Variants in LARGE1 observed in about 807,000 individuals in gnomAD.
The protein encoded by LARGE1 is LARGE xylosyl- and glucuronyltransferase 1, also known as xylosyl- and glucuronyltransferase LARGE1.
In LARGE1, 43 loss-of-function variants were observed where a neutral mutation model predicts 87.6. That is an observed-to-expected ratio of 0.49 (90% CI 0.38 to 0.63). LARGE1 has a LOEUF of 0.63. LARGE1 is among the 30% of genes least tolerant of loss of function. The pLI is 0.00. For synonymous variants in LARGE1, 434 were observed against 394.6 expected (o/e 1.10, Z -1.18); for missense variants, 802 against 1,000.2 (o/e 0.80, Z 2.67).
Position 33,351,402 on chromosome 22 carries a change from G to C in LARGE1, c.1132-13601C>G, listed in dbSNP as rs115479740. Among the ~76,000 whole-genome samples, 590 of 152,272 alleles carry C rather than the reference G, an allele frequency of 3.9e-3. 4 individuals are homozygous for C. The highest frequency in any genetic ancestry group is 0.013 in the African/African-American group (557 of 41,548). ...TTAAATGAATCTGGCAAAGTCTTCT[G>C]TCAACCAACCATACTATTACTTATT... On this transcript the variant is annotated intron_variant, in intron 9 of 14. Coordinates refer to ENST00000397394, the MANE Select transcript of LARGE1 (RefSeq NM_133642.5).
chr22:33,916,673 C>A (rs1356597583), intron 1 of LARGE1, among the ~76,000 whole-genome samples: 1 of 152,144 alleles, frequency 6.6e-6, no homozygotes, highest in Non-Finnish European at 1.5e-5. Flanking sequence ...ACCCCCAATG[C>A]AGTATGCTCC....
downstream of LARGE1, among the ~76,000 whole-genome samples, chr22:33,160,807 T>G (rs1257049902): frequency 1.3e-5 from 2 of 152,170 alleles, no homozygotes; most frequent in African/African-American, 4.8e-5. Flanking sequence ...TGACAAGGAG[T>G]GTAGCATTTA....
At chr22:33,873,873 C>G (rs1216415933) in intron 1 of LARGE1, among the ~76,000 whole-genome samples, 1 of 151,882 alleles carries the variant, frequency 6.6e-6, no homozygotes, top group Non-Finnish European at 1.5e-5. Context: ...TTTCACCTTC[C>G]TCCACCTCTT....
intron 1 of LARGE1, among the ~76,000 whole-genome samples, chr22:33,794,676 A>G (rs1281207516): frequency 6.9e-6 from 1 of 144,866 alleles, no homozygotes; most frequent in African/African-American, 2.6e-5. Flanking sequence ...GCTGGAGCAC[A>G]GTGGCACGAT....
intron 1 of LARGE1, among the ~76,000 whole-genome samples, chr22:33,828,533 A>G (rs1398917829): frequency 1.3e-5 from 2 of 152,206 alleles, no homozygotes; most frequent in East Asian, 3.8e-4. Context: ...GAAAGTGAAA[A>G]CTTTAGCCAC....
intron 9 of LARGE1, among the ~76,000 whole-genome samples, chr22:33,352,519 C>T (rs535695386): frequency 1.2e-4 from 19 of 152,040 alleles, no homozygotes; most frequent in Non-Finnish European, 1.8e-4. Context: ...TCTGGGAGGC[C>T]GAGGTGGGCA....
At chr22:33,641,730 G>T (rs2080439449) in intron 3 of LARGE1, among the ~76,000 whole-genome samples, 1 of 152,150 alleles carries the variant, frequency 6.6e-6, no homozygotes, top group Non-Finnish European at 1.5e-5. Flanking sequence ...CGAGAACTTT[G>T]TGAAGCATAC....
chr22:33,483,950 C>A lies in LARGE1; in HGVS notation c.788-51685G>T, dbSNP rs58504657. 1.3e-4 allele frequency among the ~76,000 whole-genome samples: 20 copies of A among 152,266 alleles called. No individual in the cohort carries two copies. In the East Asian group the frequency reaches 2.3e-3, roughly 18 times the overall value. On this transcript the variant is annotated intron_variant, in intron 6 of 14. Transcript: ENST00000397394. ...ACACCATCCTTTGGAAGGTGAGATG[C>A]GTGACCTTGACGGCCGGAAGTTTAG... is the stretch of plus-strand genomic sequence containing the variant.
intron 10 of LARGE1, among the ~76,000 whole-genome samples, chr22:33,335,755 C>T (rs551794845): frequency 2.6e-5 from 4 of 152,182 alleles, no homozygotes; most frequent in Non-Finnish European, 5.9e-5. Context: ...ACTTCCTCTA[C>T]CTGGAACGTG....
chr22:33,149,107 G>A, the LARGE1 span, among the ~76,000 whole-genome samples: 88 of 149,014 alleles, frequency 5.9e-4, no homozygotes, highest in Middle Eastern at 3.4e-3. Context: ...GCGCGATCTC[G>A]GCTCACTGCA....
At chr22:33,091,623 C>T in the LARGE1 span, among the ~76,000 whole-genome samples, 17 of 151,632 alleles carry the variant, frequency 1.1e-4, no homozygotes, top group Admixed American at 9.2e-4. Flanking sequence ...TTGGTCTGGG[C>T]CAGGTTCTAG....
chr22:33,911,611 T>C (rs2065639868), intron 1 of LARGE1, among the ~76,000 whole-genome samples: 1 of 152,174 alleles, frequency 6.6e-6, no homozygotes, highest in Non-Finnish European at 1.5e-5. Context: ...ATATTGAAAA[T>C]GTCTTTCCAG....
chr22:33,497,434 C>T (rs546311524), intron 6 of LARGE1, among the ~76,000 whole-genome samples: 1 of 152,252 alleles, frequency 6.6e-6, no homozygotes, highest in South Asian at 2.1e-4. Flanking sequence ...TCACTATAAA[C>T]TAGGGACAAA....
chr22:33,786,662 C>G (rs1304920760), intron 1 of LARGE1, among the ~76,000 whole-genome samples: 1 of 152,208 alleles, frequency 6.6e-6, no homozygotes, highest in Non-Finnish European at 1.5e-5. Context: ...CAGCTTAATT[C>G]TCACATCCTT....
intron 9 of LARGE1, among the ~76,000 whole-genome samples, chr22:33,360,161 A>T (rs1355927505): frequency 1.3e-5 from 2 of 149,270 alleles, no homozygotes; most frequent in African/African-American, 4.9e-5. Flanking sequence ...AAAAATACAA[A>T]AATTAGCCAG....
Position 33,394,237 on chromosome 22 carries a change from C to T in LARGE1, c.893-9933G>A, listed in dbSNP as rs566952492. ...TTTTTGAGACAGAGTCTCGCTCTGT[C>T]ACCCAGGCTGTAGTGCAGTGGCACA... On this transcript the variant is annotated intron_variant, in intron 7 of 14. Coordinates refer to ENST00000397394, the MANE Select transcript of LARGE1 (RefSeq NM_133642.5). Among the ~76,000 whole-genome samples the T allele has an allele frequency of 3.5e-5, 5 of 141,960 alleles. No individual in the cohort carries two copies. The South Asian group carries it at 1.1e-3, about 32-fold the overall frequency. 93.1% of individuals were successfully genotyped at this position (141,960 alleles called of 152,430 possible).
At chr22:33,398,903 G>A (rs1280875158) in intron 7 of LARGE1, among the ~76,000 whole-genome samples, 2 of 152,162 alleles carry the variant, frequency 1.3e-5, no homozygotes, top group Admixed American at 6.5e-5. Flanking sequence ...TAGAGGCTTC[G>A]GAAAGAGCGT....
At chr22:33,466,252 C>G (rs1023300036) in intron 6 of LARGE1, among the ~76,000 whole-genome samples, 4 of 152,128 alleles carry the variant, frequency 2.6e-5, no homozygotes, top group Non-Finnish European at 5.9e-5. Context: ...CTTGGAGAAG[C>G]CTTACTTCAT....
chr22:33,528,934 G>A (rs767895828), intron 6 of LARGE1, among the ~76,000 whole-genome samples: 5 of 152,102 alleles, frequency 3.3e-5, no homozygotes, highest in Non-Finnish European at 7.3e-5. Context: ...CATTTTGCAC[G>A]TATGGAGTCA....
Sources: gnomAD v4.1 joint callset for allele counts (sites outside exome capture counted in the v4.1 genomes callset) on GRCh38, gnomAD v4.1.1 for gene constraint, MANE v1.5 for transcripts, NCBI Gene and HGNC (gene_info 2026-07-23, HGNC 2026-07-21) for gene names.